Variants in EFCAB11 observed in about 807,000 individuals in gnomAD.
EFCAB11 encodes EF-hand calcium binding domain 11.
A neutral mutation model predicts 23.0 loss-of-function variants in EFCAB11; 14 were observed. That is an observed-to-expected ratio of 0.61 (90% CI 0.40 to 0.95). The LOEUF (loss-of-function observed/expected upper bound fraction) is 0.95, where lower values mean the gene tolerates loss of function less well. Among genes scored for constraint, EFCAB11 ranks in the 40% least tolerant of loss-of-function variants. EFCAB11 has a pLI of 0.00. For missense variants in EFCAB11, 198 were observed against 195.8 expected (o/e 1.01, Z -0.07); for synonymous variants, 65 against 66.6 (o/e 0.98, Z 0.11).
intron 5 of EFCAB11, among the ~76,000 whole-genome samples, chr14:89,842,998 T>C (rs1256232460): frequency 2.6e-4 from 39 of 152,196 alleles, no homozygotes; most frequent in Admixed American, 2.5e-3. Flanking sequence ...CCTGCGCTTT[T>C]CCTATCACAG....
intron 5 of EFCAB11, among the ~76,000 whole-genome samples, chr14:89,929,706 T>C (rs1474672185): frequency 6.6e-6 from 1 of 152,188 alleles, no homozygotes; most frequent in African/African-American, 2.4e-5. Flanking sequence ...ATTTTAAACA[T>C]ACCAAACATG....
At chr14:89,954,076 G>C in intron 1 of EFCAB11, 75 bp from the exon 2 acceptor site, 1 of 1,314,964 alleles carries the variant, frequency 7.6e-7, no homozygotes, top group Non-Finnish European at 1.1e-6. Context: ...TATACAGTTT[G>C]GACCTCGAAA....
At chr14:89,935,570 C>T (rs555156496) in intron 3 of EFCAB11, among the ~76,000 whole-genome samples, 7 of 152,012 alleles carry the variant, frequency 4.6e-5, no homozygotes, top group Non-Finnish European at 1.0e-4. Context: ...TGCCACCATG[C>T]CAGGCTTAAA....
chr14:89,807,874 C>A (rs1008459763), intron 5 of EFCAB11, among the ~76,000 whole-genome samples: 1 of 151,900 alleles, frequency 6.6e-6, no homozygotes, highest in Non-Finnish European at 1.5e-5. Context: ...AAGATAAATC[C>A]TCAATTCGGT....
intron 5 of EFCAB11, among the ~76,000 whole-genome samples, chr14:89,903,090 C>A (rs917282404): frequency 5.9e-5 from 9 of 152,230 alleles, no homozygotes; most frequent in African/African-American, 2.2e-4. Context: ...ATCTGCGTTA[C>A]ACATGAATCT....
chr14:89,800,032 A>ATGTTGCCCAGCCTGGGTGACAGAGCCAG (rs1885721062), intron 5 of EFCAB11, among the ~76,000 whole-genome samples: 1 of 152,082 alleles, frequency 6.6e-6, no homozygotes, highest in Non-Finnish European at 1.5e-5. Flanking sequence ...CTAAAAATAC[A>ATGTTGCCCAGCCTGGGTGACAGAGCCAG]ATAATTAGCC....
At chr14:89,854,565 G>C (rs1427976956) in intron 5 of EFCAB11, among the ~76,000 whole-genome samples, 2 of 152,164 alleles carry the variant, frequency 1.3e-5, no homozygotes, top group East Asian at 3.9e-4. Context: ...CTGTCTCCCA[G>C]ATGTCCCCAG....
At chr14:89,839,711 G>C (rs1887197300) in intron 5 of EFCAB11, among the ~76,000 whole-genome samples, 1 of 151,928 alleles carries the variant, frequency 6.6e-6, no homozygotes, top group Non-Finnish European at 1.5e-5. Context: ...GGTGGCTTCT[G>C]CTTCTAGGGA....
intron 5 of EFCAB11, among the ~76,000 whole-genome samples, chr14:89,827,925 G>C (rs1886755262): frequency 6.6e-6 from 1 of 152,132 alleles, no homozygotes; most frequent in South Asian, 2.1e-4. Context: ...GAGCCACCAT[G>C]CCTGGCCTTT....
At chr14:89,935,938 G>T (rs1417034219) in intron 3 of EFCAB11, among the ~76,000 whole-genome samples, 1 of 152,138 alleles carries the variant, frequency 6.6e-6, no homozygotes, top group Non-Finnish European at 1.5e-5. Context: ...AACCCAGGAG[G>T]TGGAGGTTGC....
chr14:89,939,232 A>G (rs1890706823), intron 3 of EFCAB11, among the ~76,000 whole-genome samples: 1 of 152,106 alleles, frequency 6.6e-6, no homozygotes, highest in Non-Finnish European at 1.5e-5. Context: ...GGCTGGACAC[A>G]ATTCATTTAT....
chr14:89,802,340 T>C (rs1249579762), intron 5 of EFCAB11, among the ~76,000 whole-genome samples: 3 of 152,046 alleles, frequency 2.0e-5, no homozygotes, highest in Non-Finnish European at 4.4e-5. Context: ...GAATACAGAA[T>C]GGTATCGCAT....
intron 5 of EFCAB11, among the ~76,000 whole-genome samples, chr14:89,813,322 G>A (rs981468933): frequency 6.6e-6 from 1 of 152,150 alleles, no homozygotes; most frequent in Non-Finnish European, 1.5e-5. Context: ...TCTAGGAACA[G>A]CTCCTAAGAA....
At chr14:89,936,269 T>C (rs1040086902) in intron 3 of EFCAB11, among the ~76,000 whole-genome samples, 1 of 152,190 alleles carries the variant, frequency 6.6e-6, no homozygotes, top group Non-Finnish European at 1.5e-5. Context: ...ATCGTGTAAT[T>C]CACAAGGAAA....
At chr14:89,830,558 G>C (rs1185994989) in intron 5 of EFCAB11, 1 of 152,170 alleles carries the variant, frequency 6.6e-6, no homozygotes, top group Non-Finnish European at 1.5e-5. Flanking sequence ...TCCACAGAGA[G>C]TTTAAGAAGC....
intron 5 of EFCAB11, among the ~76,000 whole-genome samples, chr14:89,813,548 TCTTTCTTCAGAC>T (rs149402671): frequency 0.04 from 6,155 of 152,136 alleles, 238 homozygotes; most frequent in African/African-American, 0.1. Flanking sequence ...GTTTTGTTTT[TCTTTCTTCAGAC>T]CTTTCTCTAT....
chr14:89,932,483 A>T, intron 4 of EFCAB11, 43 bp downstream of exon 4: 1 of 1,513,052 alleles, frequency 6.6e-7, no homozygotes, highest in Non-Finnish European at 9.1e-7. Flanking sequence ...GCAATCCCTT[A>T]AAAGTAATTT....
intron 5 of EFCAB11, among the ~76,000 whole-genome samples, chr14:89,855,747 C>T (rs11849017): frequency 6.6e-6 from 1 of 152,186 alleles, no homozygotes; most frequent in Non-Finnish European, 1.5e-5. Flanking sequence ...ACATCTGCTA[C>T]TTTGTATCCT....
chr14:89,873,087 A>C lies in EFCAB11; in HGVS notation c.410+58454T>G, dbSNP rs141452816. Among the ~76,000 whole-genome samples, 695 of 152,328 alleles carry C rather than the reference A, an allele frequency of 4.6e-3. 4 individuals carry two copies. The highest frequency in any genetic ancestry group is 0.016 in the African/African-American group (668 of 41,566). ...TCTATGTCACAGATAAAGACATACC[A>C]GAGACTGGGTACTTTATAAAGGAGG... is the stretch of plus-strand genomic sequence containing the variant. On this transcript the variant is annotated intron_variant, in intron 5 of 5. Coordinates refer to ENST00000316738, the MANE Select transcript of EFCAB11 (RefSeq NM_145231.4).
Sources: gnomAD v4.1 joint callset for allele counts (sites outside exome capture counted in the v4.1 genomes callset) on GRCh38, gnomAD v4.1.1 for gene constraint, MANE v1.5 for transcripts, NCBI Gene and HGNC (gene_info 2026-07-23, HGNC 2026-07-21) for gene names.